The following SDK1 variants were observed in gnomAD, a reference collection of about 807,000 sequenced individuals.
SDK1 encodes sidekick cell adhesion molecule 1, also known as protein sidekick-1.
A neutral mutation model predicts 245.5 loss-of-function variants in SDK1; 157 were observed. The observed-to-expected ratio is 0.64, with a 90% confidence interval of 0.56 to 0.73. SDK1 has a LOEUF of 0.73. Ranked by LOEUF, SDK1 falls within the 30% of genes least tolerant of loss-of-function variation. The pLI, the probability that SDK1 is intolerant of heterozygous loss-of-function variation, is 0.00. For synonymous variants in SDK1, 1,647 were observed against 1,278.5 expected, an observed-to-expected ratio of 1.29 and a Z score of -6.15; for missense variants, 3,583 against 3,002.3, an observed-to-expected ratio of 1.19 and a Z score of -4.52.
At chr7:4,103,425 C>T (rs1022931564) in intron 22 of SDK1, among the ~76,000 whole-genome samples, 4 of 152,160 alleles carry the variant, frequency 2.6e-5, no homozygotes, top group African/African-American at 9.7e-5. Flanking sequence ...AACTAGAGAG[C>T]CAGAGGAGCC....
intron 35 of SDK1, among the ~76,000 whole-genome samples, chr7:4,188,274 C>T (rs1042958995): frequency 2.0e-5 from 3 of 152,174 alleles, no homozygotes; most frequent in African/African-American, 7.2e-5. Flanking sequence ...TTGTTGGCGG[C>T]TTCTGATTGG....
At chr7:4,032,389 C>A (rs185613960) in intron 17 of SDK1, among the ~76,000 whole-genome samples, 77 of 152,186 alleles carry the variant, frequency 5.1e-4, no homozygotes, top group Admixed American at 1.5e-3. Context: ...ATCTGCATTC[C>A]CCATCTACTT....
rs966077003 is a variant in SDK1, at chr7:3,334,380, C to G, written c.298+32496C>G. 5.3e-5 allele frequency among the ~76,000 whole-genome samples: 8 copies of G among 152,332 alleles called. No homozygotes were observed. The East Asian group carries it at 5.8e-4, about 11-fold the overall frequency. On this transcript the variant is annotated intron_variant, in intron 1 of 44. Coordinates refer to ENST00000404826, the MANE Select transcript of SDK1 (RefSeq NM_152744.4). ...TGGAGCCTACGCTTGAGAGAAGAAG[C>G]TGTCGGGTACGAACTCCACTTAATT...
At chr7:3,978,898 A>G (rs998881015) in intron 13 of SDK1, among the ~76,000 whole-genome samples, 10 of 152,174 alleles carry the variant, frequency 6.6e-5, no homozygotes, top group African/African-American at 2.4e-4. Context: ...TATAGAAATT[A>G]CGAGCATCTG....
Position 3,336,322 on chromosome 7 carries a change from C to G in SDK1, c.298+34438C>G, listed in dbSNP as rs905183440. 4.6e-5 allele frequency among the ~76,000 whole-genome samples: 7 copies of G among 152,320 alleles called. No individual in the cohort carries two copies. The South Asian group carries it at 6.2e-4, about 14-fold the overall frequency. On this transcript the variant is annotated intron_variant, in intron 1 of 44. Transcript: ENST00000404826. ...GCAGGTGGTACTTCAATTCCCCTGTCAGGTGGTGCTGACAGCGCCTAGTGG... is the reference window on the plus strand; with the variant it reads ...GCAGGTGGTACTTCAATTCCCCTGTGAGGTGGTGCTGACAGCGCCTAGTGG...
chr7:3,919,897 C>T (rs545589697), intron 5 of SDK1, among the ~76,000 whole-genome samples: 3 of 152,120 alleles, frequency 2.0e-5, no homozygotes, highest in Non-Finnish European at 4.4e-5. Context: ...AGCAAAACAC[C>T]AATCAGATGT....
intron 4 of SDK1, among the ~76,000 whole-genome samples, chr7:3,649,786 A>G (rs1005928598): frequency 5.3e-5 from 8 of 152,152 alleles, no homozygotes; most frequent in Non-Finnish European, 1.2e-4. Flanking sequence ...TCCACCGTGT[A>G]TATGAGGCTG....
intron 4 of SDK1, among the ~76,000 whole-genome samples, chr7:3,767,986 G>A (rs961894384): frequency 3.9e-5 from 6 of 152,250 alleles, no homozygotes; most frequent in African/African-American, 1.2e-4. Flanking sequence ...ACTCTAATAC[G>A]TAGGTGCTGT....
chr7:4,053,194 C>A (rs527573260), intron 19 of SDK1, among the ~76,000 whole-genome samples: 1 of 152,050 alleles, frequency 6.6e-6, no homozygotes, highest in East Asian at 1.9e-4. Context: ...GAACTTGTCT[C>A]TACTAGAGTT....
At chr7:3,728,750 C>T (rs569709218) in intron 4 of SDK1, among the ~76,000 whole-genome samples, 2 of 152,280 alleles carry the variant, frequency 1.3e-5, no homozygotes, top group Non-Finnish European at 2.9e-5. Context: ...GGATTACAGG[C>T]ATGTGCCACC....
intron 4 of SDK1, among the ~76,000 whole-genome samples, chr7:3,699,548 C>T (rs542013187): frequency 4.6e-5 from 7 of 152,012 alleles, no homozygotes; most frequent in South Asian, 4.2e-4. Flanking sequence ...GAAAAGAATC[C>T]GTGAACTTGA....
intron 4 of SDK1, among the ~76,000 whole-genome samples, chr7:3,718,282 C>G (rs914053615): frequency 8.5e-5 from 13 of 152,092 alleles, no homozygotes; most frequent in African/African-American, 3.1e-4. Flanking sequence ...GGTGGAATCA[C>G]TTGGGCTCAG....
intron 5 of SDK1, among the ~76,000 whole-genome samples, chr7:3,823,468 T>C (rs1350796060): frequency 6.6e-6 from 1 of 152,202 alleles, no homozygotes; most frequent in African/African-American, 2.4e-5. Flanking sequence ...TACCTAGTAC[T>C]TGCCTACCTC....
chr7:3,465,988 A>G (rs1021560810), intron 1 of SDK1, among the ~76,000 whole-genome samples: 22 of 152,122 alleles, frequency 1.4e-4, no homozygotes, highest in Non-Finnish European at 2.6e-4. Flanking sequence ...TTCTGGAGTG[A>G]TAAAGATGGA....
intron 1 of SDK1, among the ~76,000 whole-genome samples, chr7:3,527,907 G>T (rs73035977): frequency 0.22 from 32,739 of 148,608 alleles, 3,844 homozygotes; most frequent in East Asian, 0.32. Flanking sequence ...GGTAAGGTTG[G>T]ATCATGGCCA....
At chr7:3,887,488 T>C (rs1781364469) in intron 5 of SDK1, among the ~76,000 whole-genome samples, 1 of 152,140 alleles carries the variant, frequency 6.6e-6, no homozygotes, top group African/African-American at 2.4e-5. Context: ...GCCTAGGGCA[T>C]TTCCTGGGGA....
In SDK1 at chr7:3,967,320, A is replaced by G. The variant is rs746070827; in HGVS notation, c.1432A>G (p.Ile478Val). 19 of 1,612,062 alleles carry G rather than the reference A, an allele frequency of 1.2e-5. No homozygotes were observed. The highest frequency in any genetic ancestry group is 2.2e-5 in the East Asian group (1 of 44,866). The stretch of plus-strand genomic sequence containing the variant: ...ATTTCATTTACTCCTCTTCTCAGAT[A>G]TCGCTCCAGTGTTCACCCAGCGGCC... ...QTHTYLDVTN[I>V]APVFTQRPVD... Residue 478 changes from isoleucine (I) to valine (V), a missense_variant and splice_region_variant, in exon 10 of 45, where the codon ATC (isoleucine) becomes GTC (valine). Transcript: ENST00000404826.
Position 4,103,599 on chromosome 7 carries a change from A to G in SDK1, c.3325-7064A>G, listed in dbSNP as rs989623138. ...CTGTTTTGGAGCTCCGTGTAAAGCA[A>G]CCCATTTTCAGTACTGATTTTTAAA... On this transcript the variant is annotated intron_variant, in intron 22 of 44. Transcript: ENST00000404826. Among the ~76,000 whole-genome samples, 10 of 152,330 alleles carry G rather than the reference A, an allele frequency of 6.6e-5. No individual in the cohort carries two copies. The East Asian group carries it at 1.9e-3, about 29-fold the overall frequency.
chr7:3,844,305 T>C (rs1780225681), intron 5 of SDK1, among the ~76,000 whole-genome samples: 1 of 152,198 alleles, frequency 6.6e-6, no homozygotes, highest in Admixed American at 6.5e-5. Context: ...TTGCCAATTA[T>C]TTAAAGGAGA....
Sources: allele counts gnomAD v4.1 joint callset (sites outside exome capture counted in the v4.1 genomes callset), GRCh38; gene constraint gnomAD v4.1.1; transcripts MANE v1.5; gene names NCBI Gene and HGNC (gene_info 2026-07-23, HGNC 2026-07-21).